The following KATNIP variants were observed in gnomAD, a reference collection of about 807,000 sequenced individuals.
KATNIP encodes the protein katanin interacting protein.
Under a neutral mutation model 174.0 loss-of-function variants are expected in KATNIP, and 126 were observed. That is an observed-to-expected ratio of 0.72 (90% CI 0.63 to 0.84). KATNIP has a LOEUF of 0.84. Among genes scored for constraint, KATNIP ranks in the 40% least tolerant of loss-of-function variants. KATNIP has a pLI of 0.00. For missense variants in KATNIP, 1,958 were observed against 2,109.7 expected, an observed-to-expected ratio of 0.93 and a Z score of 1.41; for synonymous variants, 810 against 835.7, an observed-to-expected ratio of 0.97 and a Z score of 0.53.
intron 6 of KATNIP, among the ~76,000 whole-genome samples, chr16:27,652,189 TAAG>T (rs2142370273): frequency 6.6e-6 from 1 of 152,102 alleles, no homozygotes; most frequent in South Asian, 2.1e-4. Flanking sequence ...ACAGGGCTGA[TAAG>T]AAAAATAAAA....
intron 3 of KATNIP, among the ~76,000 whole-genome samples, chr16:27,623,647 A>G (rs1217432528): frequency 6.6e-6 from 1 of 152,116 alleles, no homozygotes; most frequent in Non-Finnish European, 1.5e-5. Context: ...GTTTATTATT[A>G]TTATCATCCT....
chr16:27,743,907 G>T (rs1463517051), intron 15 of KATNIP, among the ~76,000 whole-genome samples: 2 of 152,130 alleles, frequency 1.3e-5, no homozygotes, highest in East Asian at 3.9e-4. Flanking sequence ...AACAGTCGGT[G>T]CAAAGCCTCC....
At chr16:27,638,289 T>C (rs1043636368) in intron 5 of KATNIP, among the ~76,000 whole-genome samples, 1 of 152,208 alleles carries the variant, frequency 6.6e-6, no homozygotes, top group Non-Finnish European at 1.5e-5. Flanking sequence ...TCAAGAAGGC[T>C]GGAGGTAGCA....
chr16:27,734,056 G>C (rs995507029), intron 14 of KATNIP, among the ~76,000 whole-genome samples: 2 of 151,996 alleles, frequency 1.3e-5, no homozygotes, highest in Admixed American at 1.3e-4. Flanking sequence ...GAGACAGTTA[G>C]TCTATAAGGA....
intron 2 of KATNIP, among the ~76,000 whole-genome samples, chr16:27,603,178 G>A (rs2075588313): frequency 6.6e-6 from 1 of 152,184 alleles, no homozygotes; most frequent in African/African-American, 2.4e-5. Context: ...ATCTGCCTTG[G>A]GGCAGAGTAC....
chr16:27,714,006 C>T (rs979506272), intron 13 of KATNIP, among the ~76,000 whole-genome samples: 3 of 151,198 alleles, frequency 2.0e-5, no homozygotes, highest in Non-Finnish European at 2.9e-5. Context: ...CACACACCCC[C>T]GCCTCACACC....
chr16:27,672,989 T>C (rs758824372), intron 6 of KATNIP, among the ~76,000 whole-genome samples: 32 of 152,254 alleles, frequency 2.1e-4, no homozygotes, highest in Admixed American at 3.3e-4. Flanking sequence ...GTGACAGCAG[T>C]CTCCCAGCTA....
intron 13 of KATNIP, among the ~76,000 whole-genome samples, chr16:27,716,649 A>T (rs2079952782): frequency 1.3e-5 from 2 of 152,144 alleles, no homozygotes; most frequent in South Asian, 4.1e-4. Flanking sequence ...GTGTTATCAC[A>T]TATGTAGATT....
chr16:27,618,339 T>C, intron 2 of KATNIP, 86 bp from the exon 3 acceptor site: 1 of 1,055,494 alleles, frequency 9.5e-7, no homozygotes, highest in Non-Finnish European at 1.5e-6. Flanking sequence ...CCTCTCAGCC[T>C]GCTGCGCCGG....
At chr16:27,713,868 T>C (rs1369270681) in intron 13 of KATNIP, among the ~76,000 whole-genome samples, 5 of 107,624 alleles carry the variant, frequency 4.6e-5, no homozygotes, top group Non-Finnish European at 7.4e-5. Context: ...CTATCTCAGA[T>C]TGTGCCCTTC....
intron 5 of KATNIP, chr16:27,632,540 C>T (rs1443586985): frequency 2.3e-6 from 1 of 436,252 alleles, no homozygotes. Flanking sequence ...TGTCAAAAGG[C>T]GAATCGGGAG....
chr16:27,689,137 C>G (rs2078626677), intron 8 of KATNIP, among the ~76,000 whole-genome samples: 1 of 152,214 alleles, frequency 6.6e-6, no homozygotes, highest in Admixed American at 6.5e-5. Flanking sequence ...CATAGGTGGC[C>G]AGGCGTAGTA....
intron 6 of KATNIP, among the ~76,000 whole-genome samples, chr16:27,652,466 G>GTTGGC (rs1233926258): frequency 2.0e-5 from 3 of 152,210 alleles, no homozygotes; most frequent in Admixed American, 6.5e-5. Context: ...TCTTAGTTAT[G>GTTGGC]TTGGCTTTCC....
At position 27,749,626 on chromosome 16, in the gene KATNIP, G is replaced by A. The variant is rs199894533; in HGVS notation, c.2666G>A (p.Arg889His). The stretch of plus-strand genomic sequence containing the variant: ...AGGACGCCGTCACGGTCAAGGTGGC[G>A]CAGTGAGCAGGAGCACACACTTCAC... The part of the protein sequence containing the change: ...SSRTPSRSRW[R>H]SEQEHTLHES... The change falls in exon 16 of 28, where the codon CGC becomes CAC. Residue 889 changes from arginine (R) to histidine (H), a missense_variant. This residue lies in a region of KATNIP where 1,557 missense variants were observed against 1,617.8 expected (regional missense o/e 0.96). Transcript: ENST00000261588. 28 of 1,558,290 alleles carry A rather than the reference G, an allele frequency of 1.8e-5. No individual in the cohort carries two copies. The highest frequency in any genetic ancestry group is 1.2e-4 in the South Asian group (10 of 81,554).
intron 2 of KATNIP, among the ~76,000 whole-genome samples, chr16:27,581,080 A>C (rs2141778528): frequency 6.6e-6 from 1 of 152,158 alleles, no homozygotes; most frequent in South Asian, 2.1e-4. Flanking sequence ...TATATATATA[A>C]TGTATGTGTA....
In KATNIP at chr16:27,701,624, G is replaced by A; in HGVS notation, c.1215G>A (p.Glu405=). 5 of 1,605,596 alleles carry A rather than the reference G, an allele frequency of 3.1e-6. No individual in the cohort carries two copies. The highest frequency in any genetic ancestry group is 1.1e-5 in the South Asian group (1 of 88,604). ...TCACCACGGCGACTACTACTCAGGAGCCGGCCGGGGCAGCAGGAGGAGCCA... is the reference window on the plus strand; with the variant it reads ...TCACCACGGCGACTACTACTCAGGAACCGGCCGGGGCAGCAGGAGGAGCCA... ...LPITTATTTQ[E]PAGAAGGARA... Residue 405 remains glutamate (E), a synonymous_variant, in exon 11 of 28, where the codon GAG becomes GAA. Coordinates refer to ENST00000261588, the MANE Select transcript of KATNIP (RefSeq NM_015202.5).
chr16:27,662,287 C>T (rs901953571), intron 6 of KATNIP, among the ~76,000 whole-genome samples: 19 of 151,296 alleles, frequency 1.3e-4, no homozygotes, highest in African/African-American at 4.6e-4. Context: ...CCAGATGTGG[C>T]CTTTAGACTA....
In KATNIP at chr16:27,776,697, C is replaced by T. The variant is rs1390317715; in HGVS notation, c.4450-231C>T. ...ATGAGGGCTCCGACAGGCCCAAGAA[C>T]ACAGGCCCTCCAAAAGCCAGCTCAG... On this transcript the variant is annotated intron_variant, in intron 24 of 27. Coordinates refer to ENST00000261588, the MANE Select transcript of KATNIP (RefSeq NM_015202.5). The surrounding 1 kb of genome is among the most constrained non-coding windows in gnomAD (Gnocchi z 4.7). 6.6e-6 allele frequency among the ~76,000 whole-genome samples: 1 copy of T among 152,246 alleles called. No individual in the cohort carries two copies. Among genetic ancestry groups the T allele is most frequent in the African/African-American group, 2.4e-5 (1 of 41,466 alleles).
At chr16:27,639,899 G>A (rs917950657) in intron 5 of KATNIP, among the ~76,000 whole-genome samples, 1 of 151,936 alleles carries the variant, frequency 6.6e-6, no homozygotes, top group Middle Eastern at 3.2e-3. Context: ...CAAGTCAGCC[G>A]GACCTCCCAA....
Sources: allele counts gnomAD v4.1 joint callset (sites outside exome capture counted in the v4.1 genomes callset), GRCh38; gene constraint gnomAD v4.1.1; regional missense constraint gnomAD v4.1.1; non-coding constraint Gnocchi (gnomAD v3.1); transcripts MANE v1.5; gene names NCBI Gene and HGNC (gene_info 2026-07-23, HGNC 2026-07-21).